The following ZFHX3 variants were observed in gnomAD, a reference collection of about 807,000 sequenced individuals.
ZFHX3 encodes the protein zinc finger homeobox protein 3.
ZFHX3 carries 42 observed loss-of-function variants against 279.1 expected under a neutral mutation model. The observed-to-expected ratio is 0.15, with a 90% CI of 0.12 to 0.19. ZFHX3 has a LOEUF of 0.19. Ranked by LOEUF, ZFHX3 falls within the 10% of genes least tolerant of loss-of-function variation. ZFHX3 has a pLI of 1.00. For synonymous variants in ZFHX3, 2,293 were observed against 1,957.8 expected (o/e 1.17, Z -4.52); for missense variants, 4,981 against 4,754.0 (o/e 1.05, Z -1.40).
chr16:73,884,100 C>T (rs1262820727), intron 1 of ZFHX3, among the ~76,000 whole-genome samples: 3 of 152,148 alleles, frequency 2.0e-5, no homozygotes, highest in African/African-American at 7.2e-5. Context: ...TTCCAGCACA[C>T]TGTGATCAGA....
intron 3 of ZFHX3, among the ~76,000 whole-genome samples, chr16:73,444,317 C>T (rs552543623): frequency 1.1e-4 from 16 of 152,114 alleles, no homozygotes; most frequent in East Asian, 1.9e-4. Context: ...TAGAATATTC[C>T]GTATAAACAC....
intron 1 of ZFHX3, among the ~76,000 whole-genome samples, chr16:73,803,637 C>A (rs942627952): frequency 4.6e-5 from 7 of 152,090 alleles, no homozygotes; most frequent in African/African-American, 1.7e-4. Flanking sequence ...TCACCTAAAG[C>A]CTTATGAATA....
At chr16:73,623,179 G>A (rs1020894459) in intron 2 of ZFHX3, among the ~76,000 whole-genome samples, 2 of 152,164 alleles carry the variant, frequency 1.3e-5, no homozygotes, top group Non-Finnish European at 2.9e-5. Flanking sequence ...TGGGACTACA[G>A]GCGCCCGCCA....
chr16:72,863,749 G>A (rs565478857), intron 4 of ZFHX3, among the ~76,000 whole-genome samples: 4 of 152,028 alleles, frequency 2.6e-5, no homozygotes, highest in East Asian at 1.9e-4. Context: ...ATCCAACTCA[G>A]GAACACAGAT....
At chr16:73,854,575 A>G (rs1961671586) in intron 1 of ZFHX3, among the ~76,000 whole-genome samples, 2 of 152,088 alleles carry the variant, frequency 1.3e-5, no homozygotes, top group East Asian at 1.9e-4. Flanking sequence ...TAAGATGGCT[A>G]AAAGAATGAA....
At chr16:73,593,945 T>G (rs1431173726) in intron 2 of ZFHX3, among the ~76,000 whole-genome samples, 8 of 152,184 alleles carry the variant, frequency 5.3e-5, no homozygotes, top group Non-Finnish European at 1.2e-4. Flanking sequence ...TTGTTAATGG[T>G]CAAATACTGA....
At chr16:72,969,018 G>A (rs1460568023) in intron 1 of ZFHX3, among the ~76,000 whole-genome samples, 1 of 152,080 alleles carries the variant, frequency 6.6e-6, no homozygotes, top group Non-Finnish European at 1.5e-5. Context: ...TACCATAGGA[G>A]GAGTCTAGAA....
chr16:73,726,396 T>C (rs2053519028), intron 1 of ZFHX3, among the ~76,000 whole-genome samples: 1 of 152,186 alleles, frequency 6.6e-6, no homozygotes, highest in South Asian at 2.1e-4. Context: ...AGGTTTTCAA[T>C]CTCAGCAATA....
At chr16:73,425,869 C>T (rs547788195) in intron 3 of ZFHX3, among the ~76,000 whole-genome samples, 1 of 152,244 alleles carries the variant, frequency 6.6e-6, no homozygotes, top group South Asian at 2.1e-4. Context: ...ATCTTGTTCA[C>T]TCTTGGAACA....
At chr16:73,342,277 T>G (rs2016045917) in intron 3 of ZFHX3, among the ~76,000 whole-genome samples, 1 of 152,170 alleles carries the variant, frequency 6.6e-6, no homozygotes, top group Non-Finnish European at 1.5e-5. Context: ...AACTACGTAT[T>G]TGTACACCTA....
At chr16:73,212,478 GAT>G (rs1176092324) in intron 5 of ZFHX3, among the ~76,000 whole-genome samples, 1 of 152,168 alleles carries the variant, frequency 6.6e-6, no homozygotes, top group Non-Finnish European at 1.5e-5. Context: ...ATTCTGGTAA[GAT>G]ATTTATTCTG....
At chr16:72,991,281 T>C (rs1963079589) in intron 1 of ZFHX3, among the ~76,000 whole-genome samples, 1 of 152,208 alleles carries the variant, frequency 6.6e-6, no homozygotes, top group Admixed American at 6.5e-5. Context: ...AATTTTATCA[T>C]AGGCATGTAG....
At chr16:73,036,967 A>C (rs563808790) in intron 1 of ZFHX3, among the ~76,000 whole-genome samples, 2 of 152,336 alleles carry the variant, frequency 1.3e-5, no homozygotes, top group East Asian at 3.9e-4. Flanking sequence ...GAGAGAAGTT[A>C]TTTTTGTAGA....
intron 9 of ZFHX3, chr16:72,789,652 T>G (rs1047516524): frequency 3.3e-5 from 5 of 152,242 alleles, no homozygotes; most frequent in Non-Finnish European, 5.9e-5. Context: ...TAGGAAAGTG[T>G]GGAGGAAGGG....
chr16:73,879,859 G>A (rs959597599), intron 1 of ZFHX3, among the ~76,000 whole-genome samples: 3 of 151,894 alleles, frequency 2.0e-5, no homozygotes, highest in African/African-American at 4.8e-5. Flanking sequence ...CAATCAACAA[G>A]GTCTCCAGAC....
chr16:73,557,513 C>A (rs372908971), intron 2 of ZFHX3, among the ~76,000 whole-genome samples: 5 of 152,220 alleles, frequency 3.3e-5, no homozygotes, highest in African/African-American at 1.2e-4. Context: ...ATGGTTATTT[C>A]TTGAAGATAT....
rs752482924 is a variant in ZFHX3, at chr16:72,796,967, C to T, written c.5715G>A (p.Pro1905=). 50 of 1,613,882 alleles carry T rather than the reference C, an allele frequency of 3.1e-5. No individual in the cohort carries two copies. The highest frequency in any genetic ancestry group is 1.3e-4 in the East Asian group (6 of 44,858). Residue 1905 remains proline (P), a synonymous_variant, in exon 9 of 10, where the codon CCG becomes CCA. Coordinates refer to ENST00000268489, the MANE Select transcript of ZFHX3 (RefSeq NM_006885.4). ...SAEGGEGNTG[P]KETLPDALKA... ...TCAAGGCATCTGGCAGTGTTTCCTT[C>T]GGACCGGTGTTGCCCTCTCCCCCCT...
chr16:73,710,511 G>C (rs547435510), intron 1 of ZFHX3, among the ~76,000 whole-genome samples: 3 of 150,838 alleles, frequency 2.0e-5, no homozygotes, highest in Non-Finnish European at 2.9e-5. Context: ...CACAGAAGTC[G>C]GGGAGAGGTT....
intron 2 of ZFHX3, among the ~76,000 whole-genome samples, chr16:73,469,896 A>G (rs1336292343): frequency 2.0e-5 from 3 of 152,184 alleles, no homozygotes; most frequent in Admixed American, 2.0e-4. Flanking sequence ...GATTACAGGC[A>G]TAAGCCACTG....
Sources: allele counts gnomAD v4.1 joint callset (sites outside exome capture counted in the v4.1 genomes callset), GRCh38; gene constraint gnomAD v4.1.1; transcripts MANE v1.5; gene names NCBI Gene and HGNC (gene_info 2026-07-23, HGNC 2026-07-21).